LRRTM4: variants seen among roughly 807,000 people sequenced by gnomAD.
LRRTM4 encodes the protein leucine-rich repeat transmembrane neuronal protein 4.
In LRRTM4, 25 loss-of-function variants were observed where a neutral mutation model predicts 47.6. The observed-to-expected ratio is 0.53, with a 90% confidence interval of 0.38 to 0.73. The LOEUF is 0.73. Ranked by LOEUF, LRRTM4 falls within the 30% of genes least tolerant of loss-of-function variation. The pLI is 0.00. For missense variants in LRRTM4, 638 were observed against 713.4 expected (o/e 0.89, Z 1.20); for synonymous variants, 311 against 269.5 (o/e 1.15, Z -1.51).
At chr2:77,193,510 CATT>C (rs989369733) in intron 3 of LRRTM4, among the ~76,000 whole-genome samples, 35 of 149,712 alleles carry the variant, frequency 2.3e-4, no homozygotes, top group African/African-American at 8.6e-4. Flanking sequence ...TTTTTTTTAA[CATT>C]ATAAAATATT....
intron 3 of LRRTM4, among the ~76,000 whole-genome samples, chr2:77,314,932 C>G (rs78229524): frequency 6.6e-6 from 1 of 152,064 alleles, no homozygotes; most frequent in African/African-American, 2.4e-5. Context: ...ATCTCTGCAG[C>G]GTACTATGCT....
At chr2:76,839,785 T>A (rs1213922028) in intron 3 of LRRTM4, among the ~76,000 whole-genome samples, 1 of 152,164 alleles carries the variant, frequency 6.6e-6, no homozygotes, top group Non-Finnish European at 1.5e-5. Flanking sequence ...TTAGGTAACA[T>A]CTAAATACAA....
At chr2:77,118,833 T>A (rs1003301884) in intron 3 of LRRTM4, among the ~76,000 whole-genome samples, 1 of 151,836 alleles carries the variant, frequency 6.6e-6, no homozygotes, top group East Asian at 1.9e-4. Flanking sequence ...TCTTTAAAGA[T>A]CAAGTGAAAA....
At chr2:76,816,574 T>A (rs1670902615) in intron 3 of LRRTM4, among the ~76,000 whole-genome samples, 1 of 151,920 alleles carries the variant, frequency 6.6e-6, no homozygotes, top group Non-Finnish European at 1.5e-5. Flanking sequence ...TTTTTATTTT[T>A]TTTGGAATCT....
At chr2:76,811,081 C>G (rs1670718206) in intron 3 of LRRTM4, among the ~76,000 whole-genome samples, 1 of 152,040 alleles carries the variant, frequency 6.6e-6, no homozygotes, top group Non-Finnish European at 1.5e-5. Context: ...GTCCCCTCAC[C>G]CCACCCTGTG....
chr2:77,006,562 G>A (rs931492566), intron 3 of LRRTM4, among the ~76,000 whole-genome samples: 4 of 152,102 alleles, frequency 2.6e-5, no homozygotes, highest in African/African-American at 7.2e-5. Context: ...GTATAGAGGG[G>A]TAAGAGCTAA....
intron 3 of LRRTM4, among the ~76,000 whole-genome samples, chr2:77,159,823 T>C (rs1176876693): frequency 1.3e-5 from 2 of 152,160 alleles, no homozygotes; most frequent in African/African-American, 4.8e-5. Context: ...AAAATGTTTC[T>C]GTATGGTAAC....
intron 3 of LRRTM4, among the ~76,000 whole-genome samples, chr2:76,965,802 T>A (rs2103924538): frequency 6.6e-6 from 1 of 151,546 alleles, no homozygotes; most frequent in South Asian, 2.1e-4. Context: ...CACAATTACA[T>A]AAGTTATATG....
intron 3 of LRRTM4, among the ~76,000 whole-genome samples, chr2:77,016,038 G>A (rs1259814772): frequency 1.3e-5 from 2 of 151,986 alleles, no homozygotes; most frequent in Non-Finnish European, 2.9e-5. Flanking sequence ...CCGAGATCAC[G>A]CCACTGCGCT....
intron 3 of LRRTM4, among the ~76,000 whole-genome samples, chr2:76,789,857 A>C (rs941448654): frequency 6.6e-6 from 1 of 152,018 alleles, no homozygotes; most frequent in Non-Finnish European, 1.5e-5. Context: ...AGTCTTTTTT[A>C]CTTTAGGGAA....
At chr2:77,477,918 A>AGAAG (rs1491557827) in intron 3 of LRRTM4, among the ~76,000 whole-genome samples, 2 of 81,736 alleles carry the variant, frequency 2.4e-5, no homozygotes, top group Non-Finnish European at 5.8e-5. Context: ...AAAGAAAGAA[A>AGAAG]GAAAGAAAGA....
chr2:77,042,270 T>C lies in LRRTM4; in HGVS notation c.1552-293354A>G, dbSNP rs1296863169. Among the ~76,000 whole-genome samples the C allele has an allele frequency of 1.1e-4, 17 of 151,426 alleles. No individual in the cohort carries two copies. In the Admixed American group the frequency reaches 1.1e-3, roughly 10 times the overall value. On this transcript the variant is annotated intron_variant, in intron 3 of 3. Transcript: ENST00000409884. ...ATTATTTTTACAAGCTACTCTCAAA[T>C]AGTTAAGAAAAAATAGAAAGAAAGA...
chr2:76,880,493 G>A (rs996008009), intron 3 of LRRTM4, among the ~76,000 whole-genome samples: 1 of 152,004 alleles, frequency 6.6e-6, no homozygotes, highest in African/African-American at 2.4e-5. Flanking sequence ...CTAGAGTAGA[G>A]TTTAACATAA....
chr2:77,522,056 G>A (rs1169020132), intron 1 of LRRTM4, 53 bp downstream of exon 1: 4 of 714,088 alleles, frequency 5.6e-6, no homozygotes, highest in African/African-American at 1.8e-5. Flanking sequence ...CCATCTCGGA[G>A]GTAACCAACT....
intron 3 of LRRTM4, among the ~76,000 whole-genome samples, chr2:77,169,304 T>TA (rs1672980540): frequency 1.3e-5 from 2 of 152,160 alleles, no homozygotes; most frequent in African/African-American, 4.8e-5. Context: ...GTGAACATAA[T>TA]TATATATATA....
intron 3 of LRRTM4, among the ~76,000 whole-genome samples, chr2:77,212,075 A>G (rs190555282): frequency 7.2e-5 from 11 of 152,160 alleles, no homozygotes; most frequent in Non-Finnish European, 1.3e-4. Flanking sequence ...CCTCATCACA[A>G]TGTACGTTAA....
intron 3 of LRRTM4, among the ~76,000 whole-genome samples, chr2:77,223,830 G>A (rs1335232480): frequency 1.3e-5 from 2 of 152,160 alleles, no homozygotes; most frequent in African/African-American, 2.4e-5. Context: ...AGCTACCAAT[G>A]ACTTTCTTTA....
chr2:77,051,192 T>TAC (rs1389706671), intron 3 of LRRTM4, among the ~76,000 whole-genome samples: 1 of 151,950 alleles, frequency 6.6e-6, no homozygotes, highest in Non-Finnish European at 1.5e-5. Flanking sequence ...CTGAACATCC[T>TAC]ACAGTGCACA....
chr2:76,960,193 T>A (rs1484090792), intron 3 of LRRTM4, among the ~76,000 whole-genome samples: 2 of 151,592 alleles, frequency 1.3e-5, no homozygotes, highest in South Asian at 2.1e-4. Context: ...TTATTCCACA[T>A]TAAAAACAAT....
Sources: allele counts gnomAD v4.1 joint callset (sites outside exome capture counted in the v4.1 genomes callset), GRCh38; gene constraint gnomAD v4.1.1; transcripts MANE v1.5; gene names NCBI Gene and HGNC (gene_info 2026-07-23, HGNC 2026-07-21).